ADH1C: variants seen among roughly 807,000 people sequenced by gnomAD.
ADH1C encodes alcohol dehydrogenase 1C (class I), gamma polypeptide.
Under a neutral mutation model 35.0 loss-of-function variants are expected in ADH1C, and 26 were observed. The observed-to-expected ratio is 0.74, with a 90% CI of 0.54 to 1.03. ADH1C has a LOEUF of 1.03. ADH1C is among the 50% of genes least tolerant of loss of function. The pLI is 0.00. For missense variants in ADH1C, 413 were observed against 465.4 expected, an observed-to-expected ratio of 0.89 and a Z score of 1.04; for synonymous variants, 170 against 169.3, an observed-to-expected ratio of 1.00 and a Z score of -0.03.
At chr4:99,346,749 A>G (rs1440127140) in intron 3 of ADH1C, among the ~76,000 whole-genome samples, 1 of 151,940 alleles carries the variant, frequency 6.6e-6, no homozygotes, top group Admixed American at 6.6e-5. Flanking sequence ...TGATCCTCAT[A>G]TATCTCCAGG....
intron 1 of ADH1C, among the ~76,000 whole-genome samples, chr4:99,351,375 G>T (rs766946283): frequency 7.9e-5 from 12 of 152,104 alleles, no homozygotes; most frequent in Non-Finnish European, 1.3e-4. Context: ...ATAAAATGCA[G>T]GACGGGTAAA....
chr4:99,342,704 T>C (rs1276633704), intron 6 of ADH1C, 91 bp downstream of exon 6: 4 of 1,533,870 alleles, frequency 2.6e-6, no homozygotes, highest in Non-Finnish European at 3.5e-6. Context: ...TCATTAAAAA[T>C]ATCCTTTATA....
intron 5 of ADH1C, among the ~76,000 whole-genome samples, chr4:99,344,592 CAG>C (rs1420815074): frequency 6.6e-6 from 1 of 152,172 alleles, no homozygotes; most frequent in Non-Finnish European, 1.5e-5. Context: ...AATTAGTTCA[CAG>C]ATCTAAAATT....
At chr4:99,342,732 A>G (rs6413448) in intron 6 of ADH1C, 63 bp downstream of exon 6, 9 of 1,605,360 alleles carry the variant, frequency 5.6e-6, no homozygotes, top group African/African-American at 1.3e-5. Context: ...CGTATATTCT[A>G]CTGCCTAAAT....
chr4:99,339,599 C>T lies in ADH1C; in HGVS notation c.1081G>A (p.Asp361Asn), dbSNP rs950884208. The T allele has an allele frequency of 1.8e-5, 29 of 1,590,928 alleles. No individual in the cohort carries two copies. Among genetic ancestry groups the T allele is most frequent in the Non-Finnish European group, 2.4e-5 (28 of 1,167,698 alleles). ...TACCTCTTTCCAGAGCGAAGCAGGT[C>T]AAATCCTTCATTTATTTTTTCAAAA... ...LPFEKINEGF[D>N]LLRSGKSIRT... The change falls in exon 8 of 9, where the codon GAC becomes AAC. Residue 361 changes from aspartate to asparagine, a missense_variant. Coordinates refer to ENST00000515683, the MANE Select transcript of ADH1C (RefSeq NM_000669.5).
Position 99,336,766 on chromosome 4 carries a change from C to T in ADH1C, c.1114G>A (p.Val372Ile), listed in dbSNP as rs370818269. 7 of 1,613,656 alleles carry T rather than the reference C, an allele frequency of 4.3e-6. No individual in the cohort carries two copies. The highest frequency in any genetic ancestry group is 1.3e-5 in the African/African-American group (1 of 75,014). Residue 372 changes from valine to isoleucine, a missense_variant, in exon 9 of 9, where the codon GTC (valine) becomes ATC (isoleucine). Coordinates refer to ENST00000515683, the MANE Select transcript of ADH1C (RefSeq NM_000669.5). The part of the protein sequence containing the change: ...LLRSGKSIRT[V>I]LTF ...TCTGTATTGTTTCAAAACGTCAGGA[C>T]GGTACGGATACTGCAATAGGAAAGA...
intron 8 of ADH1C, 99 bp from the exon 9 acceptor site, chr4:99,336,875 T>C (rs916704427): frequency 1.3e-6 from 2 of 1,520,034 alleles, no homozygotes; most frequent in East Asian, 2.3e-5. Context: ...AGTGAAAATC[T>C]CTCTGTGTTC....
chr4:99,343,184 AC>A (rs375629006), intron 5 of ADH1C, 129 bp from the exon 6 acceptor site: 3 of 1,363,594 alleles, frequency 2.2e-6, no homozygotes, highest in African/African-American at 2.9e-5. Context: ...TGTTATCGAA[AC>A]CTGTTTTGGC....
At chr4:99,340,921 A>G (rs1734400683) in intron 6 of ADH1C, among the ~76,000 whole-genome samples, 1 of 152,214 alleles carries the variant, frequency 6.6e-6, no homozygotes, top group African/African-American at 2.4e-5. Flanking sequence ...GAAAGCATGG[A>G]CGAATAAATT....
chr4:99,343,064 T>G lies in ADH1C; in HGVS notation c.568-9A>C. The G allele has an allele frequency of 6.2e-7, 1 of 1,605,564 alleles. No homozygotes were observed. The highest frequency in any genetic ancestry group is 8.5e-7 in the Non-Finnish European group (1 of 1,176,700). ...GTAGACCCTGGGGTGACCTATGTTT[T>G]CAGAAAATGCAAAAATGAATTAAAT... On this transcript the variant is annotated splice_polypyrimidine_tract_variant and intron_variant, in intron 5 of 8. Coordinates refer to ENST00000515683, the MANE Select transcript of ADH1C (RefSeq NM_000669.5).
In ADH1C at chr4:99,340,657, C is replaced by A; in HGVS notation, c.882G>T (p.Gly294=). 1.2e-6 allele frequency: 2 copies of A among 1,613,296 alleles called. No individual in the cohort carries two copies. Among genetic ancestry groups the A allele is most frequent in the Non-Finnish European group, 1.7e-6 (2 of 1,180,020 alleles). The change falls in exon 7 of 9, where the codon GGG becomes GGT. Residue 294 remains glycine (G), a synonymous_variant. Coordinates refer to ENST00000515683, the MANE Select transcript of ADH1C (RefSeq NM_000669.5). ...AGAGGTTCTGGGAATCAGGAGGTACCCCTACAATGACACTTGTGCCACATG... is the reference window on the plus strand; with the variant it reads ...AGAGGTTCTGGGAATCAGGAGGTACACCTACAATGACACTTGTGCCACATG... ...HEACGTSVIV[G]VPPDSQNLSI... is the part of the protein sequence containing the mutation.
chr4:99,337,766 C>T (rs1734311543), intron 8 of ADH1C, among the ~76,000 whole-genome samples: 1 of 152,036 alleles, frequency 6.6e-6, no homozygotes, highest in African/African-American at 2.4e-5. Context: ...GATACACTTT[C>T]TATTGTCCTT....
rs1734325858 is a variant in ADH1C at position 99,338,393 on chromosome 4, T to TATA, written c.1103+1183_1103+1184insTAT. Among the ~76,000 whole-genome samples, 47 of 73,092 alleles carry TATA rather than the reference T, an allele frequency of 6.4e-4. 10 individuals are homozygous for TATA. In the East Asian group the frequency reaches 0.015, roughly 24 times the overall value. The allele number at this position is 73,092 out of a possible 152,430, so 48.0% of individuals were successfully genotyped here. A position where few individuals can be genotyped will look rare whatever the true frequency, so the allele number is the denominator to read the frequency against. Reference sequence around the variant, plus strand: ...TAATTAACCTTTGATGAATACTGTTTTCTATATATATATATATATATATAT... The same window carrying TATA: ...TAATTAACCTTTGATGAATACTGTTTATATCTATATATATATATATATATATAT... On this transcript the variant is annotated intron_variant, in intron 8 of 8. Transcript: ENST00000515683.
chr4:99,339,677 C>A lies in ADH1C; in HGVS notation c.1003G>T (p.Asp335Tyr), dbSNP rs975126646. 6.2e-7 allele frequency: 1 copy of A among 1,611,560 alleles called. No individual in the cohort carries two copies. The highest frequency in any genetic ancestry group is 1.7e-5 in the Admixed American group (1 of 59,504). The change falls in exon 8 of 9, where the codon GAC (aspartate) becomes TAC (tyrosine). Residue 335 changes from aspartate (D) to tyrosine (Y), a missense_variant. Transcript: ENST00000515683. The part of the protein sequence containing the change: ...SKESVPKLVA[D>Y]FMAKKFSLDA... ...AGTGAAAACTTCTTAGCCATAAAGT[C>A]AGCCACAAGTTTGGGGACAGATTCT...
In ADH1C at chr4:99,340,646, T is replaced by A; in HGVS notation, c.893A>T (p.Asp298Val). ...GTSVIVGVPP[D>V]SQNLSINPML... ...AGGGTTTATTGAGAGGTTCTGGGAATCAGGAGGTACCCCTACAATGACACT... is the reference window on the plus strand; with the variant it reads ...AGGGTTTATTGAGAGGTTCTGGGAAACAGGAGGTACCCCTACAATGACACT... The change falls in exon 7 of 9, where the codon GAT (aspartate) becomes GTT (valine). Residue 298 changes from aspartate to valine, a missense_variant. Transcript: ENST00000515683. The A allele has an allele frequency of 6.2e-7, 1 of 1,613,572 alleles. No individual in the cohort carries two copies. Among genetic ancestry groups the A allele is most frequent in the South Asian group, 1.1e-5 (1 of 91,054 alleles).
chr4:99,338,395 C>A (rs2851298), intron 8 of ADH1C, among the ~76,000 whole-genome samples: 15,131 of 38,058 alleles, frequency 0.4, 3,360 homozygotes, highest in East Asian at 0.72. Context: ...ATACTGTTTT[C>A]TATATATATA....
rs1418359077 is a variant in ADH1C, at chr4:99,347,822, G to A, written c.43C>T (p.Leu15=). ...GKVIKCKAAV[L]WELKKPFSIE... ...GAAAAGGGTTTCTTTAACTCCCATA[G>A]CACAGCTGCTTTGCATTTGATTACC... The change falls in exon 2 of 9, where the codon CTA becomes TTA. Residue 15 remains leucine (L), a synonymous_variant. Coordinates refer to ENST00000515683, the MANE Select transcript of ADH1C (RefSeq NM_000669.5). The A allele has an allele frequency of 6.2e-7, 1 of 1,613,818 alleles. No homozygotes were observed. The highest frequency in any genetic ancestry group is 2.2e-5 in the East Asian group (1 of 44,868).
At chr4:99,340,534 T>G (rs1734387772) in intron 7 of ADH1C, 41 bp downstream of exon 7, 1 of 1,608,968 alleles carries the variant, frequency 6.2e-7, no homozygotes, top group African/African-American at 1.3e-5. Flanking sequence ...AGAGAAATTC[T>G]TAGGTTAATG....
intron 3 of ADH1C, among the ~76,000 whole-genome samples, chr4:99,346,052 C>T (rs1734523050): frequency 6.6e-6 from 1 of 151,146 alleles, no homozygotes; most frequent in African/African-American, 2.4e-5. Context: ...AGAGCTAAAA[C>T]TCAAATTGGA....
Sources: allele counts gnomAD v4.1 joint callset (sites outside exome capture counted in the v4.1 genomes callset), GRCh38; gene constraint gnomAD v4.1.1; transcripts MANE v1.5; gene names NCBI Gene and HGNC (gene_info 2026-07-23, HGNC 2026-07-21).